Variants in CA2 observed in about 807,000 individuals in gnomAD.
CA2 encodes carbonate dehydratase II.
In CA2, 23 loss-of-function variants were observed where a neutral mutation model predicts 27.8. The observed-to-expected ratio is 0.83, with a 90% CI of 0.59 to 1.17. The LOEUF (loss-of-function observed/expected upper bound fraction) is 1.17, where lower values mean the gene tolerates loss of function less well. Ranked by LOEUF, CA2 falls within the 50% of genes most tolerant of loss-of-function variation. The pLI is 0.00. For missense variants in CA2, 300 were observed against 314.7 expected, an observed-to-expected ratio of 0.95 and a Z score of 0.35; for synonymous variants, 99 against 114.9, an observed-to-expected ratio of 0.86 and a Z score of 0.88.
In CA2 at chr8:85,480,699, T is replaced by C; in HGVS notation, c.693T>C (p.Asn231=). ...TGAAATTCCGTAAACTTAACTTCAA[T>C]GGGGAGGGTGAACCCGAAGAACTGA... ...QVLKFRKLNF[N]GEGEPEELMV... Residue 231 remains asparagine (N), a synonymous_variant, in exon 7 of 7, where the codon AAT becomes AAC. Coordinates refer to ENST00000285379, the MANE Select transcript of CA2 (RefSeq NM_000067.3). 6.2e-7 allele frequency: 1 copy of C among 1,613,694 alleles called. No individual in the cohort carries two copies. Among genetic ancestry groups the C allele is most frequent in the Non-Finnish European group, 8.5e-7 (1 of 1,179,664 alleles).
At chr8:85,464,977 A>T (rs1811603479) in intron 1 of CA2, 1 of 325,332 alleles carries the variant, frequency 3.1e-6, no homozygotes, top group Non-Finnish European at 5.8e-6. Context: ...GCTGAATTTC[A>T]GTAAAACGAC....
chr8:85,468,714 C>G (rs756199919), intron 2 of CA2, among the ~76,000 whole-genome samples: 1 of 152,020 alleles, frequency 6.6e-6, no homozygotes, highest in Non-Finnish European at 1.5e-5. Context: ...GAGCCGAGAC[C>G]GCACCACTGC....
In CA2 at chr8:85,465,411, G is replaced by A. The variant is rs773706393; in HGVS notation, c.174G>A (p.Arg58=). The stretch of plus-strand genomic sequence containing the variant: ...CCTATGATCAAGCAACTTCCCTGAG[G>A]ATCCTCAACAATGGTCATGCTTTCA... ...SVSYDQATSL[R]ILNNGHAFNV... Residue 58 remains arginine, a synonymous_variant, in exon 2 of 7, where the codon AGG becomes AGA. Transcript: ENST00000285379. 9 of 1,614,074 alleles carry A rather than the reference G, an allele frequency of 5.6e-6. No homozygotes were observed. The South Asian group carries it at 9.9e-5, about 18-fold the overall frequency.
intron 2 of CA2, among the ~76,000 whole-genome samples, chr8:85,473,186 G>A (rs749463272): frequency 1.9e-4 from 29 of 152,232 alleles, no homozygotes; most frequent in Middle Eastern, 6.8e-3. Context: ...TCTAAGAACT[G>A]GTATCAGAGG....
intron 3 of CA2, 79 bp from the exon 4 acceptor site, chr8:85,474,245 G>A (rs1811753228): frequency 1.7e-5 from 18 of 1,033,820 alleles, no homozygotes; most frequent in Non-Finnish European, 2.6e-5. Flanking sequence ...CCTTTATTGT[G>A]AGAAAAAGAC....
Position 85,464,107 on chromosome 8 carries a change from A to G in CA2, c.26A>G (p.Lys9Arg). 2 of 1,546,022 alleles carry G rather than the reference A, an allele frequency of 1.3e-6. No individual in the cohort carries two copies. Among genetic ancestry groups the G allele is most frequent in the Middle Eastern group, 1.7e-4 (1 of 5,966 alleles). Residue 9 changes from lysine to arginine, a missense_variant, in exon 1 of 7, where the codon AAA becomes AGA. This residue lies in a region of CA2 where 122 missense variants were observed against 133.2 expected (regional missense o/e 0.92). Transcript: ENST00000285379. MSHHWGYG[K>R]HNGPEHWHKD... ...ATGTCCCATCACTGGGGGTACGGCA[A>G]ACACAACGGTGAGTGCCGGCGACGG...
chr8:85,473,700 G>A lies in CA2; in HGVS notation c.240G>A (p.Lys80=), dbSNP rs780854868. The change falls in exon 3 of 7, where the codon AAG becomes AAA. Residue 80 remains lysine, a synonymous_variant. Coordinates refer to ENST00000285379, the MANE Select transcript of CA2 (RefSeq NM_000067.3). ...FDDSQDKAVL[K]GGPLDGTYRL... ...TATATGTTTTAATTTTAGTGCTCAA[G>A]GGAGGACCCCTGGATGGCACTTACA... is the stretch of plus-strand genomic sequence containing the variant. 15 of 1,572,832 alleles carry A rather than the reference G, an allele frequency of 9.5e-6. No individual in the cohort carries two copies. The highest frequency in any genetic ancestry group is 1.3e-5 in the African/African-American group (1 of 74,086).
At position 85,477,128 on chromosome 8, in the gene CA2, T is replaced by C; in HGVS notation, c.516T>C (p.Ser172=). The C allele has an allele frequency of 6.2e-7, 1 of 1,614,058 alleles. No individual in the cohort carries two copies. Among genetic ancestry groups the C allele is most frequent in the Non-Finnish European group, 8.5e-7 (1 of 1,179,962 alleles). Residue 172 remains serine (S), a synonymous_variant, in exon 6 of 7, where the codon AGT becomes AGC. Transcript: ENST00000285379. ...TATTTGCCTTGTTCTAGGGCAAGAG[T>C]GCTGACTTCACTAACTTCGATCCTC... ...VLDSIKTKGK[S]ADFTNFDPRG...
In CA2 at chr8:85,477,267, A is replaced by G. The variant is rs143627836; in HGVS notation, c.655A>G (p.Ser219Gly). 9 of 1,614,000 alleles carry G rather than the reference A, an allele frequency of 5.6e-6. No individual in the cohort carries two copies. The highest frequency in any genetic ancestry group is 6.8e-6 in the Non-Finnish European group (8 of 1,179,980). The change falls in exon 6 of 7, where the codon AGC becomes GGC. Residue 219 changes from serine (S) to glycine (G), a missense_variant. Ser to Gly is a moderately conservative substitution (Grantham distance 56). Around this residue, in one of 3 missense-constraint regions of CA2, gnomAD observed 173 missense variants for 161.0 expected, o/e 1.07. Transcript: ENST00000285379. ...GCTCAAGGAACCCATCAGCGTCAGCAGCGAGCAGGTTTGTTTTGTAATGAC... is the reference window on the plus strand; with the variant it reads ...GCTCAAGGAACCCATCAGCGTCAGCGGCGAGCAGGTTTGTTTTGTAATGAC... The part of the protein sequence containing the change: ...IVLKEPISVS[S>G]EQVLKFRKLN...
At chr8:85,475,371 T>TTAA (rs1272486716) in intron 4 of CA2, among the ~76,000 whole-genome samples, 4 of 41,364 alleles carry the variant, frequency 9.7e-5, no homozygotes, top group Admixed American at 4.6e-4. Flanking sequence ...ACTCTGACTC[T>TTAA]AAAAAAAAAA....
rs1232519022 is a variant in CA2 at position 85,465,413 on chromosome 8, T to C, written c.176T>C (p.Ile59Thr). 6.2e-7 allele frequency: 1 copy of C among 1,614,198 alleles called. No homozygotes were observed. The change falls in exon 2 of 7, where the codon ATC becomes ACC. Residue 59 changes from isoleucine to threonine, a missense_variant. This residue lies in a region of CA2 where 122 missense variants were observed against 133.2 expected (regional missense o/e 0.92). Transcript: ENST00000285379. ...TATGATCAAGCAACTTCCCTGAGGA[T>C]CCTCAACAATGGTCATGCTTTCAAC... ...VSYDQATSLR[I>T]LNNGHAFNVE...
In CA2 at chr8:85,477,243, CTCAAGGA is replaced by C. The variant is rs767097166; in HGVS notation, c.632_638del (p.Leu211HisfsTer11). ...TCTGGAATGTGTGACCTGGATTGTG[CTCAAGGA>C]ACCCATCAGCGTCAGCAGCGAGCAG... On this transcript the variant is annotated frameshift_variant, in exon 6 of 7. Coordinates refer to ENST00000285379, the MANE Select transcript of CA2 (RefSeq NM_000067.3). LOFTEE classifies it low-confidence loss of function (END_TRUNC). The C allele has an allele frequency of 1.4e-5, 22 of 1,614,094 alleles. No homozygotes were observed. The highest frequency in any genetic ancestry group is 1.7e-5 in the Non-Finnish European group (20 of 1,179,984).
chr8:85,465,815 ATT>A (rs1460453109), intron 2 of CA2, among the ~76,000 whole-genome samples: 1 of 152,218 alleles, frequency 6.6e-6, no homozygotes. Context: ...ATTGTAAAAT[ATT>A]TTGTCTTGCA....
Position 85,480,807 on chromosome 8 carries a change from T to C in CA2, c.*18T>C. 6.2e-7 allele frequency: 1 copy of C among 1,613,256 alleles called. No homozygotes were observed. Among genetic ancestry groups the C allele is most frequent in the Non-Finnish European group, 8.5e-7 (1 of 1,179,410 alleles). On this transcript the variant is annotated 3_prime_UTR_variant, in exon 7 of 7. Coordinates refer to ENST00000285379, the MANE Select transcript of CA2 (RefSeq NM_000067.3). ...TCAAATAAGATGGTCCCATAGTCTG[T>C]ATCCAAATAATGAATCTTCGGGTGT...
intron 1 of CA2, 123 bp downstream of exon 1, chr8:85,464,238 G>C: frequency 6.5e-6 from 6 of 923,214 alleles, no homozygotes; most frequent in Non-Finnish European, 7.8e-6. Flanking sequence ...CGCGGCCGCG[G>C]GGAGTGCTGG....
At chr8:85,469,072 A>G (rs1434833313) in intron 2 of CA2, among the ~76,000 whole-genome samples, 1 of 152,220 alleles carries the variant, frequency 6.6e-6, no homozygotes, top group Non-Finnish European at 1.5e-5. Flanking sequence ...TAGTTTATAC[A>G]TACCATGTTT....
chr8:85,470,942 G>GA (rs977355939), intron 2 of CA2, among the ~76,000 whole-genome samples: 1 of 151,916 alleles, frequency 6.6e-6, no homozygotes, highest in Admixed American at 6.6e-5. Flanking sequence ...ATTTTACAGA[G>GA]AAAAAATAGG....
chr8:85,472,672 A>G (rs1424732279), intron 2 of CA2, among the ~76,000 whole-genome samples: 1 of 152,194 alleles, frequency 6.6e-6, no homozygotes, highest in Non-Finnish European at 1.5e-5. Flanking sequence ...TCCACAGATG[A>G]GTAAATTAAG....
intron 4 of CA2, among the ~76,000 whole-genome samples, chr8:85,474,866 T>C (rs1447791756): frequency 1.3e-5 from 2 of 152,156 alleles, no homozygotes; most frequent in Non-Finnish European, 2.9e-5. Context: ...ATTTATGAGC[T>C]CTGATTCATA....
Sources: allele counts gnomAD v4.1 joint callset (sites outside exome capture counted in the v4.1 genomes callset), GRCh38; gene constraint gnomAD v4.1.1; regional missense constraint gnomAD v4.1.1; transcripts MANE v1.5; gene names NCBI Gene and HGNC (gene_info 2026-07-23, HGNC 2026-07-21).